RPAIN: variants seen among roughly 807,000 people sequenced by gnomAD.
RPAIN encodes RPA-interacting protein.
In RPAIN, 29 loss-of-function variants were observed where a neutral mutation model predicts 30.5. The observed-to-expected ratio is 0.95, with a 90% CI of 0.71 to 1.30. The LOEUF is 1.30. RPAIN is among the 50% of genes most tolerant of loss of function. The probability of loss-of-function intolerance (pLI) is 0.00; values close to 1 mark genes in which losing one functional copy is unlikely to be tolerated. For synonymous variants in RPAIN, 101 were observed against 93.5 expected, an observed-to-expected ratio of 1.08 and a Z score of -0.46; for missense variants, 247 against 264.7, an observed-to-expected ratio of 0.93 and a Z score of 0.46.
chr17:5,421,367 G>A lies in RPAIN; in HGVS notation c.153G>A (p.Gly51=), dbSNP rs772572153. ...LNRYRQAGSS[G]PGNSQNSFLV... ...GGTACCGCCAGGCTGGAAGCAGTGG[G>A]CCAGGGAATTCTCAGAACAGCTTTC... The change falls in exon 2 of 7, where the codon GGG becomes GGA. Residue 51 remains glycine, a synonymous_variant. Coordinates refer to ENST00000381209, the MANE Select transcript of RPAIN (RefSeq NM_001033002.4). 6.2e-7 allele frequency: 1 copy of A among 1,613,980 alleles called. No individual in the cohort carries two copies. The highest frequency in any genetic ancestry group is 8.5e-7 in the Non-Finnish European group (1 of 1,179,974).
rs1391171367 is a variant in RPAIN at position 5,422,795 on chromosome 17, G to A, written c.279G>A (p.Val93=). 5.6e-6 allele frequency: 9 copies of A among 1,613,228 alleles called. No individual in the cohort carries two copies. Among genetic ancestry groups the A allele is most frequent in the Non-Finnish European group, 6.8e-6 (8 of 1,179,560 alleles). ...AQLEELIDMA[V]LEEIQQELIN... ...TGGAGGAGCTGATAGACATGGCTGT[G>A]CTGGAGGAAATTCAACAGGAGCTGA... is the stretch of plus-strand genomic sequence containing the variant. Residue 93 remains valine (V), a synonymous_variant, in exon 3 of 7, where the codon GTG becomes GTA. Transcript: ENST00000381209.
intron 6 of RPAIN, 95 bp downstream of exon 6, chr17:5,428,306 T>C (rs1283841162): frequency 6.3e-7 from 1 of 1,589,472 alleles, no homozygotes; most frequent in Non-Finnish European, 8.6e-7. Flanking sequence ...AACAGGTAAA[T>C]GTTTAATGCA....
At chr17:5,427,017 C>T (rs768386225) in intron 5 of RPAIN, 5 of 151,996 alleles carry the variant, frequency 3.3e-5, no homozygotes, top group African/African-American at 7.3e-5. Flanking sequence ...GTTAATTGAG[C>T]GATTGGTTAA....
intron 6 of RPAIN, chr17:5,432,314 CTA>C (rs763660865): frequency 1.4e-4 from 71 of 504,770 alleles, no homozygotes; most frequent in Non-Finnish European, 1.8e-5. Flanking sequence ...AGCTTGAAGA[CTA>C]TTGATGCTGA....
At chr17:5,430,915 C>T (rs2871211) in intron 6 of RPAIN, 5 of 157,338 alleles carry the variant, frequency 3.2e-5, no homozygotes, top group Non-Finnish European at 5.6e-5. Flanking sequence ...AAATGCTGGT[C>T]GGGGGAAGAG....
At chr17:5,426,603 T>G in intron 5 of RPAIN, 1 of 293,144 alleles carries the variant, frequency 3.4e-6, no homozygotes, top group Non-Finnish European at 6.5e-6. Context: ...TTTCTATATA[T>G]GAAGACATAC....
intron 5 of RPAIN, chr17:5,426,525 C>T (rs1227271678): frequency 2.4e-5 from 12 of 502,960 alleles, no homozygotes; most frequent in South Asian, 1.5e-4. Context: ...GAGCCATCAC[C>T]GCTTAACGTT....
chr17:5,431,808 G>C (rs939381886), intron 6 of RPAIN: 3 of 363,592 alleles, frequency 8.3e-6, no homozygotes, highest in Admixed American at 7.3e-5. Context: ...TATTAGCAGA[G>C]TTACAGTGTC....
Position 5,426,075 on chromosome 17 carries a change from T to C in RPAIN, c.418T>C (p.Cys140Arg). 6.2e-7 allele frequency: 1 copy of C among 1,610,610 alleles called. No homozygotes were observed. Among genetic ancestry groups the C allele is most frequent in the Non-Finnish European group, 8.5e-7 (1 of 1,177,010 alleles). The change falls in exon 4 of 7, where the codon TGT becomes CGT. Residue 140 changes from cysteine to arginine, a missense_variant. Coordinates refer to ENST00000381209, the MANE Select transcript of RPAIN (RefSeq NM_001033002.4). ...WEANPLICPV[C>R]TKYNLRITSG... is the part of the protein sequence containing the mutation. ...GGCAAACCCACTCATCTGTCCTGTATGTACAAAGTAAGAGTTTTTAAAACC... is the reference window on the plus strand; with the variant it reads ...GGCAAACCCACTCATCTGTCCTGTACGTACAAAGTAAGAGTTTTTAAAACC...
chr17:5,421,329 A>T lies in RPAIN; in HGVS notation c.115A>T (p.Arg39Trp). 6.2e-7 allele frequency: 1 copy of T among 1,613,800 alleles called. No individual in the cohort carries two copies. Among genetic ancestry groups the T allele is most frequent in the African/African-American group, 1.3e-5 (1 of 74,920 alleles). ...GGAGAGAATGAGAAACAGCCGGGAC[A>T]GGCTCCTAAACAGGTACCGCCAGGC... ...CLERMRNSRD[R>W]LLNRYRQAGS... Residue 39 changes from arginine to tryptophan, a missense_variant, in exon 2 of 7, where the codon AGG becomes TGG. Arg to Trp is a moderately radical substitution (Grantham distance 101, BLOSUM62 -3). Transcript: ENST00000381209.
rs1034749645 is a variant in RPAIN, at chr17:5,420,195, C to T, written c.-16C>T. On this transcript the variant is annotated 5_prime_UTR_variant, in exon 1 of 7. Transcript: ENST00000381209. ...CAGGGAACGGGTCTTGTGGCTTTGT[C>T]TCCCGCGAAGAGGAGATGGCGGAGT... is the stretch of plus-strand genomic sequence containing the variant. 8 of 1,613,096 alleles carry T rather than the reference C, an allele frequency of 5.0e-6. No homozygotes were observed. The Admixed American group carries it at 1.3e-4, about 27-fold the overall frequency.
intron 3 of RPAIN, chr17:5,423,128 C>T (rs1915037221): frequency 4.2e-6 from 1 of 237,960 alleles, no homozygotes; most frequent in African/African-American, 2.2e-5. Flanking sequence ...GCAGGTCATA[C>T]AGCTAGTAAG....
At chr17:5,429,471 C>A in intron 6 of RPAIN, 8 of 985,188 alleles carry the variant, frequency 8.1e-6, no homozygotes, top group Non-Finnish European at 9.6e-6. Context: ...GTGATGTAAT[C>A]TGGCCAAAAT....
chr17:5,421,256 T>A, intron 1 of RPAIN, 40 bp from the exon 2 acceptor site: 2 of 1,552,372 alleles, frequency 1.3e-6, no homozygotes, highest in Non-Finnish European at 1.7e-6. Context: ...AAAATAGAAA[T>A]GCTTTTTTTT....
intron 6 of RPAIN, chr17:5,429,300 T>TGGG: frequency 5.1e-6 from 5 of 985,400 alleles, no homozygotes; most frequent in Non-Finnish European, 6.0e-6. Flanking sequence ...TGGTGAGTTG[T>TGGG]GGGGGTAGAG....
intron 6 of RPAIN, chr17:5,429,061 A>G: frequency 2.0e-6 from 2 of 985,058 alleles, no homozygotes; most frequent in Non-Finnish European, 2.4e-6. Context: ...CATTAAAAAA[A>G]AAATGAATTG....
chr17:5,425,153 C>T, intron 3 of RPAIN: 1 of 342,484 alleles, frequency 2.9e-6, no homozygotes, highest in Non-Finnish European at 5.7e-6. Flanking sequence ...TTTTTTGACC[C>T]CTTCCCTAAT....
At chr17:5,427,311 T>A (rs1186877955) in intron 5 of RPAIN, 1 of 152,262 alleles carries the variant, frequency 6.6e-6, no homozygotes, top group East Asian at 1.9e-4. Context: ...AATTTTTGTA[T>A]TTTTAGTAGA....
chr17:5,421,232 AAG>A (rs1914770690), intron 1 of RPAIN, 62 bp from the exon 2 acceptor site: 3 of 1,482,962 alleles, frequency 2.0e-6, no homozygotes, highest in South Asian at 1.3e-5. Context: ...CAACTAATGT[AAG>A]AGTGTTTTTT....
Sources: gnomAD v4.1 joint callset for allele counts on GRCh38, gnomAD v4.1.1 for gene constraint, MANE v1.5 for transcripts, NCBI Gene and HGNC (gene_info 2026-07-23, HGNC 2026-07-21) for gene names.